Variants in CYTH1 observed in about 807,000 individuals in gnomAD.
The protein encoded by CYTH1 is cytohesin-1.
In CYTH1, 18 loss-of-function variants were observed where a neutral mutation model predicts 61.8. The observed-to-expected ratio is 0.29, with a 90% CI of 0.20 to 0.43. CYTH1 has a LOEUF of 0.43. Ranked by LOEUF, CYTH1 falls within the 20% of genes least tolerant of loss-of-function variation. The pLI is 1.00. For synonymous variants in CYTH1, 174 were observed against 184.3 expected (o/e 0.94, Z 0.45); for missense variants, 336 against 510.5 (o/e 0.66, Z 3.29).
Position 78,700,328 on chromosome 17 carries a change from T to C in CYTH1, c.550+3A>G. 6.2e-7 allele frequency: 1 copy of C among 1,605,240 alleles called. No individual in the cohort carries two copies. Among genetic ancestry groups the C allele is most frequent in the Non-Finnish European group, 8.5e-7 (1 of 1,176,082 alleles). On this transcript the variant is annotated splice_donor_region_variant and intron_variant, in intron 7 of 13. Coordinates refer to ENST00000446868, the MANE Select transcript of CYTH1 (RefSeq NM_004762.6). The surrounding 1 kb of genome is among the most constrained non-coding windows in gnomAD (Gnocchi z 5.1). ...ATAAACTAGGATGAATGATCGTATT[T>C]ACCCGTGGACTGGAACACGCCATTA...
intron 1 of CYTH1, among the ~76,000 whole-genome samples, chr17:78,772,459 T>C (rs926691701): frequency 2.0e-5 from 3 of 152,228 alleles, no homozygotes; most frequent in African/African-American, 7.2e-5. Flanking sequence ...TAATCTCTTT[T>C]GATTAACACA....
At position 78,709,690 on chromosome 17, in the gene CYTH1, T is replaced by C; in HGVS notation, c.65A>G (p.Asn22Ser). 6.2e-7 allele frequency: 1 copy of C among 1,614,240 alleles called. No individual in the cohort carries two copies. Among genetic ancestry groups the C allele is most frequent in the Non-Finnish European group, 8.5e-7 (1 of 1,180,036 alleles). Residue 22 changes from asparagine to serine, a missense_variant, in exon 2 of 14, where the codon AAC (asparagine) becomes AGC (serine). Asn to Ser is a conservative substitution (Grantham distance 46). Transcript: ENST00000446868. Reference sequence around the variant, plus strand: ...CAGCTCCTGTTTTCTCCGTCGGATGTTCTCCAGTTCTTGACGCTCCTCTGC... The same window carrying C: ...CAGCTCCTGTTTTCTCCGTCGGATGCTCTCCAGTTCTTGACGCTCCTCTGC... ...LTAEERQELE[N>S]IRRRKQELLA...
At chr17:78,679,865 T>C (rs2092739546) in intron 13 of CYTH1, among the ~76,000 whole-genome samples, 1 of 152,212 alleles carries the variant, frequency 6.6e-6, no homozygotes, top group South Asian at 2.1e-4. Context: ...GCTGTCACTA[T>C]GAGAATGAGA....
intron 1 of CYTH1, chr17:78,736,751 C>T (rs1201414470): frequency 2.5e-6 from 1 of 399,182 alleles, no homozygotes; most frequent in Non-Finnish European, 5.3e-6. Flanking sequence ...ACGAAAAGTC[C>T]GTTCTGTGCT....
At position 78,683,520 on chromosome 17, in the gene CYTH1, C is replaced by CT. The variant is rs1341123206; in HGVS notation, c.892-2479dup. ...TGGGCAGAGAAGTTTCCCACTCTGT[C>CT]TGCAAGCTACAGACCTGGCTACCTG... On this transcript the variant is annotated intron_variant, in intron 11 of 13. Coordinates refer to ENST00000446868, the MANE Select transcript of CYTH1 (RefSeq NM_004762.6). Among the ~76,000 whole-genome samples, 7 of 152,330 alleles carry CT rather than the reference C, an allele frequency of 4.6e-5. No homozygotes were observed. In the East Asian group the frequency reaches 1.3e-3, roughly 29 times the overall value.
intron 1 of CYTH1, among the ~76,000 whole-genome samples, chr17:78,764,097 C>T (rs1171087560): frequency 1.3e-5 from 2 of 151,858 alleles, no homozygotes; most frequent in Non-Finnish European, 1.5e-5. Flanking sequence ...GGTGACAGAG[C>T]GAGAGTCTGT....
intron 5 of CYTH1, 53 bp from the exon 6 acceptor site, chr17:78,701,804 C>A (rs1300586375): frequency 7.6e-6 from 12 of 1,570,978 alleles, no homozygotes; most frequent in Middle Eastern, 1.7e-4. Context: ...GGCACCAACA[C>A]TGAGAATCTC....
In CYTH1 at chr17:78,700,273, A is replaced by T; in HGVS notation, c.550+58T>A. On this transcript the variant is annotated intron_variant, in intron 7 of 13. Coordinates refer to ENST00000446868, the MANE Select transcript of CYTH1 (RefSeq NM_004762.6). This position sits in a 1 kb window ranked among gnomAD's most constrained non-coding sequence, Gnocchi z 5.1. The stretch of plus-strand genomic sequence containing the variant: ...TTTGTTTTAGAAATTATCTGGTGCC[A>T]AGAAAATAATCCAGTGTAAAACGCC... 1 of 1,432,508 alleles carries T rather than the reference A, an allele frequency of 7.0e-7. No homozygotes were observed. Among genetic ancestry groups the T allele is most frequent in the Non-Finnish European group, 9.4e-7 (1 of 1,059,660 alleles). The allele number at this position is 1,432,508 out of a possible 1,614,324, so 88.7% of individuals were successfully genotyped here.
intron 11 of CYTH1, among the ~76,000 whole-genome samples, chr17:78,687,183 G>A (rs995096365): frequency 1.3e-5 from 2 of 151,880 alleles, no homozygotes; most frequent in African/African-American, 2.4e-5. Flanking sequence ...TGGGAGCCCT[G>A]AGCTTGTTTT....
At chr17:78,715,768 G>A (rs1018070131) in intron 1 of CYTH1, among the ~76,000 whole-genome samples, 4 of 152,160 alleles carry the variant, frequency 2.6e-5, no homozygotes, top group African/African-American at 9.7e-5. Context: ...CTGGCTCTAC[G>A]GTGAGTGGTA....
At chr17:78,693,887 G>A (rs1662058958) in intron 10 of CYTH1, among the ~76,000 whole-genome samples, 1 of 152,194 alleles carries the variant, frequency 6.6e-6, no homozygotes, top group Admixed American at 6.5e-5. Context: ...TCTTGTGCCT[G>A]CTCTTTTGCT....
At position 78,717,201 on chromosome 17, in the gene CYTH1, C is replaced by T. The variant is rs569827175; in HGVS notation, c.23-7469G>A. Among the ~76,000 whole-genome samples, 50 of 152,232 alleles carry T rather than the reference C, an allele frequency of 3.3e-4. No homozygotes were observed. Among genetic ancestry groups the T allele is most frequent in the South Asian group, 1.9e-3 (9 of 4,820 alleles). On this transcript the variant is annotated intron_variant, in intron 1 of 13. Transcript: ENST00000446868. This position sits in a 1 kb window ranked among gnomAD's most constrained non-coding sequence, Gnocchi z 4.4. ...GGGGAGGGCAGCAGGTTGTCCCTGCCGGCAGCCTGAGCACAATGGAGACAA... is the reference window on the plus strand; with the variant it reads ...GGGGAGGGCAGCAGGTTGTCCCTGCTGGCAGCCTGAGCACAATGGAGACAA...
intron 3 of CYTH1, among the ~76,000 whole-genome samples, chr17:78,705,567 T>C (rs1050513184): frequency 6.6e-6 from 1 of 152,154 alleles, no homozygotes; most frequent in Non-Finnish European, 1.5e-5. Flanking sequence ...TCCTACAAAA[T>C]GCATCAGATC....
At chr17:78,778,935 G>C (rs140494450) in intron 1 of CYTH1, among the ~76,000 whole-genome samples, 16 of 152,278 alleles carry the variant, frequency 1.1e-4, no homozygotes, top group African/African-American at 3.8e-4. Flanking sequence ...TGAAACCTAT[G>C]AGGGAAATGG....
chr17:78,714,165 C>A (rs2093161541), intron 1 of CYTH1, among the ~76,000 whole-genome samples: 1 of 47,572 alleles, frequency 2.1e-5, no homozygotes, highest in Admixed American at 2.1e-4. Flanking sequence ...CGGTGCACAC[C>A]TGTAATCCCA....
At chr17:78,719,765 G>A (rs530743789) in intron 1 of CYTH1, among the ~76,000 whole-genome samples, 2 of 152,328 alleles carry the variant, frequency 1.3e-5, no homozygotes, top group East Asian at 1.9e-4. Flanking sequence ...AAAGATGGAT[G>A]TAGCAAAGGG....
At chr17:78,710,824 T>C (rs1160940671) in intron 1 of CYTH1, among the ~76,000 whole-genome samples, 2 of 152,190 alleles carry the variant, frequency 1.3e-5, no homozygotes, top group African/African-American at 2.4e-5. Flanking sequence ...CTCTCAAGGG[T>C]AGGGGTGGTT....
At chr17:78,729,693 A>G (rs1287850024) in intron 1 of CYTH1, among the ~76,000 whole-genome samples, 1 of 152,218 alleles carries the variant, frequency 6.6e-6, no homozygotes, top group African/African-American at 2.4e-5. Flanking sequence ...AAACTACCTA[A>G]AAACTACTTG....
At chr17:78,727,292 C>T (rs1376209677) in intron 1 of CYTH1, among the ~76,000 whole-genome samples, 1 of 152,222 alleles carries the variant, frequency 6.6e-6, no homozygotes, top group Non-Finnish European at 1.5e-5. Context: ...TTCTGTGTCC[C>T]ATGAAAACAG....
Sources: allele counts gnomAD v4.1 joint callset (sites outside exome capture counted in the v4.1 genomes callset), GRCh38; gene constraint gnomAD v4.1.1; non-coding constraint Gnocchi (gnomAD v3.1); transcripts MANE v1.5; gene names NCBI Gene and HGNC (gene_info 2026-07-23, HGNC 2026-07-21).